Variants in TDRD6 observed in about 807,000 individuals in gnomAD.
TDRD6 encodes tudor domain containing 6.
Under a neutral mutation model 157.5 loss-of-function variants are expected in TDRD6, and 186 were observed. The ratio of observed to expected loss-of-function variants is 1.18; its 90% CI spans 1.05 to 1.33. The LOEUF (loss-of-function observed/expected upper bound fraction) is 1.33. TDRD6 is among the 40% of genes most tolerant of loss of function. The pLI is 0.00. For missense variants in TDRD6, 3,066 were observed against 2,508.0 expected, an observed-to-expected ratio of 1.22 and a Z score of -4.75; for synonymous variants, 1,075 against 945.2, an observed-to-expected ratio of 1.14 and a Z score of -2.52.
rs750438788 is a variant in TDRD6, at chr6:46,693,197, G to A, written c.5069G>A (p.Ser1690Asn). 6.2e-7 allele frequency: 1 copy of A among 1,610,228 alleles called. No individual in the cohort carries two copies. The highest frequency in any genetic ancestry group is 1.1e-5 in the South Asian group (1 of 90,376). Residue 1690 changes from serine to asparagine, a missense_variant, in exon 1 of 4, where the codon AGT becomes AAT. Coordinates refer to ENST00000316081, the MANE Select transcript of TDRD6 (RefSeq NM_001010870.3). ...AIVDLKSKGK[S>N]INEKMEKYSK... ...GTTGACTTGAAAAGCAAAGGTAAAA[G>A]TATTAATGAGAAAATGGAGAAATAT...
At chr6:46,694,872 C>T (rs1764453331) in intron 1 of TDRD6, among the ~76,000 whole-genome samples, 1 of 152,144 alleles carries the variant, frequency 6.6e-6, no homozygotes, top group Non-Finnish European at 1.5e-5. Flanking sequence ...ATTATTTCAA[C>T]AGGGTCTTTT....
At position 46,704,252 on chromosome 6, in the gene TDRD6, A is replaced by G; in HGVS notation, c.*2365A>G. Reference sequence around the variant, plus strand: ...ATCTACTTGTCTGTCAAAGTAATGTAAAAACAGTTTTTAACTTCGACACTG... The same window carrying G: ...ATCTACTTGTCTGTCAAAGTAATGTGAAAACAGTTTTTAACTTCGACACTG... On this transcript the variant is annotated 3_prime_UTR_variant, in exon 4 of 4. Transcript: ENST00000316081. The G allele has an allele frequency of 3.3e-6, 1 of 299,700 alleles. No individual in the cohort carries two copies. The highest frequency in any genetic ancestry group is 3.8e-5 in the South Asian group (1 of 26,334). 18.6% of individuals were successfully genotyped at this position (299,700 alleles called of 1,614,324 possible). A position where few individuals can be genotyped will look rare whatever the true frequency, so the allele number is the denominator to read the frequency against.
chr6:46,684,160 G>A (rs1296291429), upstream of TDRD6, among the ~76,000 whole-genome samples: 1 of 152,036 alleles, frequency 6.6e-6, no homozygotes, highest in Non-Finnish European at 1.5e-5. Context: ...GTCTGTGTGT[G>A]TATTCTAATA....
rs1207816214 is a variant in TDRD6 at position 46,688,336 on chromosome 6, G to A, written c.208G>A (p.Gly70Ser). 3.3e-6 allele frequency: 5 copies of A among 1,526,872 alleles called. No homozygotes were observed. The highest frequency in any genetic ancestry group is 4.0e-5 in the Admixed American group (2 of 50,242). The allele number at this position is 1,526,872 out of a possible 1,614,324, so 94.6% of individuals were successfully genotyped here. Residue 70 changes from glycine (G) to serine (S), a missense_variant, in exon 1 of 4, where the codon GGC (glycine) becomes AGC (serine). Gly to Ser is a moderately conservative substitution (Grantham distance 56). Transcript: ENST00000316081. ...WALGSASASP[G>S]ELCLVQVGLL... ...GCTGGGCAGCGCCTCGGCCTCGCCC[G>A]GCGAGCTGTGCCTGGTGCAGGTCGG...
At chr6:46,698,586 A>T (rs1256672620) in intron 3 of TDRD6, among the ~76,000 whole-genome samples, 1 of 152,308 alleles carries the variant, frequency 6.6e-6, no homozygotes. Context: ...CCATGACATT[A>T]TGATGTGTCT....
rs768950904 is a variant in TDRD6, at chr6:46,693,138, C to G, written c.5010C>G (p.Ile1670Met). The change falls in exon 1 of 4, where the codon ATC (isoleucine) becomes ATG (methionine). Residue 1670 changes from isoleucine (I) to methionine (M), a missense_variant. Physicochemically the swap from Ile to Met is conservative, Grantham distance 10. Coordinates refer to ENST00000316081, the MANE Select transcript of TDRD6 (RefSeq NM_001010870.3). ...TGTTGGAAATAACAATACTAGAAAT[C>G]AGAAGGGATGTTTGTGATATCCCTT... is the stretch of plus-strand genomic sequence containing the variant. ...EDVLEITILE[I>M]RRDVCDIPLA... 100 of 1,611,524 alleles carry G rather than the reference C, an allele frequency of 6.2e-5. No individual in the cohort carries two copies. The Middle Eastern group carries it at 6.6e-4, about 11-fold the overall frequency.
Position 46,691,599 on chromosome 6 carries a change from G to T in TDRD6, c.3471G>T (p.Gly1157=). 6.2e-7 allele frequency: 1 copy of T among 1,613,294 alleles called. No homozygotes were observed. The highest frequency in any genetic ancestry group is 8.5e-7 in the Non-Finnish European group (1 of 1,179,596). The change falls in exon 1 of 4, where the codon GGG becomes GGT. Residue 1157 remains glycine, a synonymous_variant. Transcript: ENST00000316081. ...QISASINKKL[G]LLSYKDRIRK... The stretch of plus-strand genomic sequence containing the variant: ...GTGCTAGTATTAATAAGAAGTTGGG[G>T]CTACTTAGTTACAAAGATAGAATAA...
At chr6:46,697,880 C>T in intron 2 of TDRD6, 118 bp from the exon 3 acceptor site, 1 of 516,718 alleles carries the variant, frequency 1.9e-6, no homozygotes, top group Non-Finnish European at 3.3e-6. Context: ...AGAGCAAGAC[C>T]CTATCTCAAA....
At position 46,693,692 on chromosome 6, in the gene TDRD6, AG is replaced by A. The variant is rs772349768; in HGVS notation, c.5565del (p.Glu1855AspfsTer15). The A allele has an allele frequency of 1.2e-6, 2 of 1,614,178 alleles. No individual in the cohort carries two copies. Among genetic ancestry groups the A allele is most frequent in the Non-Finnish European group, 1.7e-6 (2 of 1,180,040 alleles). ...GAATTCTTAGAACTGGAATCTATTG[AG>A]TTACAGAATTCTCTGGTGGTGGATG... ...SKEFLELESIELQNSLVVDEE... is the reference protein window; with the variant it reads ...SKEFLELESIXLQNSLVVDEE... On this transcript the variant is annotated frameshift_variant, in exon 1 of 4. Transcript: ENST00000316081. LOFTEE classifies it high-confidence loss of function.
intron 1 of TDRD6, 148 bp downstream of exon 1, chr6:46,694,322 C>T: frequency 1.8e-6 from 1 of 552,588 alleles, no homozygotes; most frequent in Non-Finnish European, 3.0e-6. Context: ...CCCACCTCAG[C>T]CTCCCAAGTA....
Position 46,690,819 on chromosome 6 carries a change from T to G in TDRD6, c.2691T>G (p.Val897=), listed in dbSNP as rs1764290524. Residue 897 remains valine (V), a synonymous_variant, in exon 1 of 4, where the codon GTT becomes GTG. Coordinates refer to ENST00000316081, the MANE Select transcript of TDRD6 (RefSeq NM_001010870.3). ...AACCAGTTGGCCAGAATCCCTTTGT[T>G]TGGGATGTAAAGGCAATACAAGCTT... ...LIQPVGQNPF[V]WDVKAIQAFN... 7.4e-6 allele frequency: 12 copies of G among 1,614,032 alleles called. No individual in the cohort carries two copies. Among genetic ancestry groups the G allele is most frequent in the Non-Finnish European group, 1.0e-5 (12 of 1,179,988 alleles).
chr6:46,702,766 A>G lies in TDRD6; in HGVS notation c.*879A>G, dbSNP rs774617613. On this transcript the variant is annotated 3_prime_UTR_variant, in exon 4 of 4. Coordinates refer to ENST00000316081, the MANE Select transcript of TDRD6 (RefSeq NM_001010870.3). ...CATGACTTTTTAAACATGATTTTGC[A>G]AAGCATAGATCTTAGCTTTTAGAAA... 1.1e-4 allele frequency: 16 copies of G among 152,166 alleles called. No homozygotes were observed. Among genetic ancestry groups the G allele is most frequent in the Non-Finnish European group, 1.9e-4 (13 of 68,000 alleles). The allele number at this position is 152,166 out of a possible 1,614,324, so 9.4% of individuals were successfully genotyped here.
upstream of TDRD6, among the ~76,000 whole-genome samples, chr6:46,684,368 T>TGA (rs1362330595): frequency 7.0e-6 from 1 of 142,934 alleles, no homozygotes; most frequent in Non-Finnish European, 1.5e-5. Flanking sequence ...CACACATTTG[T>TGA]GTGTGTGTGT....
At position 46,688,321 on chromosome 6, in the gene TDRD6, G is replaced by A. The variant is rs1402781192; in HGVS notation, c.193G>A (p.Ala65Thr). 7 of 1,521,670 alleles carry A rather than the reference G, an allele frequency of 4.6e-6. No individual in the cohort carries two copies. The highest frequency in any genetic ancestry group is 4.4e-6 in the Non-Finnish European group (5 of 1,139,836). The allele number at this position is 1,521,670 out of a possible 1,614,324, so 94.3% of individuals were successfully genotyped here. ...GCGCGGCCAGTGGGCGCTGGGCAGC[G>A]CCTCGGCCTCGCCCGGCGAGCTGTG... ...ATRGQWALGS[A>T]SASPGELCLV... is the part of the protein sequence containing the mutation. The change falls in exon 1 of 4, where the codon GCC (alanine) becomes ACC (threonine). Residue 65 changes from alanine (A) to threonine (T), a missense_variant. Physicochemically the swap from Ala to Thr is moderately conservative, Grantham distance 58. Coordinates refer to ENST00000316081, the MANE Select transcript of TDRD6 (RefSeq NM_001010870.3).
chr6:46,686,668 C>T (rs560907420), upstream of TDRD6, among the ~76,000 whole-genome samples: 40 of 152,228 alleles, frequency 2.6e-4, no homozygotes, highest in Non-Finnish European at 5.4e-4. Context: ...AAAAGAAAAG[C>T]TTTGGCTTTT....
chr6:46,691,889 C>G lies in TDRD6; in HGVS notation c.3761C>G (p.Thr1254Arg), dbSNP rs775627447. 33 of 1,593,944 alleles carry G rather than the reference C, an allele frequency of 2.1e-5. No homozygotes were observed. Among genetic ancestry groups the G allele is most frequent in the Non-Finnish European group, 2.7e-5 (32 of 1,174,752 alleles). The change falls in exon 1 of 4, where the codon ACA becomes AGA. Residue 1254 changes from threonine (T) to arginine (R), a missense_variant. Transcript: ENST00000316081. ...AAAAATAGTCAAGTGTTTCCATTAACAACAGAAAAGAAAGAAGAAATTTCT... is the reference window on the plus strand; with the variant it reads ...AAAAATAGTCAAGTGTTTCCATTAAGAACAGAAAAGAAAGAAGAAATTTCT... ...GNKNSQVFPL[T>R]TEKKEEISAE...
At position 46,692,384 on chromosome 6, in the gene TDRD6, C is replaced by T; in HGVS notation, c.4256C>T (p.Ser1419Phe). ...TTGCCGGGGTTGTGCATTCATTGCT[C>T]CTTGCAGGGATTTGAGGTTCCTGAC... is the stretch of plus-strand genomic sequence containing the variant. ...AILPGLCIHC[S>F]LQGFEVPDNK... Residue 1419 changes from serine (S) to phenylalanine (F), a missense_variant, in exon 1 of 4, where the codon TCC becomes TTC. By Grantham distance (155) the Ser-to-Phe change is radical. Transcript: ENST00000316081. 6.2e-7 allele frequency: 1 copy of T among 1,614,142 alleles called. No homozygotes were observed. The highest frequency in any genetic ancestry group is 8.5e-7 in the Non-Finnish European group (1 of 1,180,026).
chr6:46,696,759 C>A (rs1405957237), intron 2 of TDRD6, among the ~76,000 whole-genome samples: 2 of 149,316 alleles, frequency 1.3e-5, no homozygotes, highest in Admixed American at 6.7e-5. Context: ...CTACAGGCGC[C>A]CACCACGACG....
rs190951365 is a variant in TDRD6 at position 46,695,812 on chromosome 6, A to G, written c.6047-9A>G. 1.1e-5 allele frequency: 18 copies of G among 1,611,470 alleles called. No individual in the cohort carries two copies. Among genetic ancestry groups the G allele is most frequent in the East Asian group, 8.9e-5 (4 of 44,764 alleles). The stretch of plus-strand genomic sequence containing the variant: ...TATGCATTGAGTCTTACTCAATTCA[A>G]TTTGGCAGCTCAACTACAGAACACC... On this transcript the variant is annotated splice_polypyrimidine_tract_variant and intron_variant, in intron 1 of 3. Transcript: ENST00000316081.
Sources: allele counts gnomAD v4.1 joint callset (sites outside exome capture counted in the v4.1 genomes callset), GRCh38; gene constraint gnomAD v4.1.1; transcripts MANE v1.5; gene names NCBI Gene and HGNC (gene_info 2026-07-23, HGNC 2026-07-21).